Variants in GAB2 observed in about 807,000 individuals in gnomAD.
GAB2 encodes GRB2-associated-binding protein 2.
A neutral mutation model predicts 65.5 loss-of-function variants in GAB2; 26 were observed. The ratio of observed to expected loss-of-function variants is 0.40; its 90% CI spans 0.29 to 0.55. The LOEUF (loss-of-function observed/expected upper bound fraction) is 0.55, where lower values mean the gene tolerates loss of function less well. GAB2 is among the 20% of genes least tolerant of loss of function. GAB2 has a pLI of 0.53. For synonymous variants in GAB2, 321 were observed against 329.6 expected, an observed-to-expected ratio of 0.97 and a Z score of 0.28; for missense variants, 884 against 875.8, an observed-to-expected ratio of 1.01 and a Z score of -0.12.
chr11:78,395,852 A>T (rs752975277), intron 1 of GAB2, among the ~76,000 whole-genome samples: 6 of 152,234 alleles, frequency 3.9e-5, no homozygotes, highest in Non-Finnish European at 8.8e-5. Context: ...ATTCCAATCC[A>T]GGACTAACCT....
chr11:78,265,280 A>G (rs1271119393), intron 2 of GAB2, among the ~76,000 whole-genome samples: 1 of 151,748 alleles, frequency 6.6e-6, no homozygotes, highest in Admixed American at 6.6e-5. Flanking sequence ...ATAACCATCA[A>G]CATCATTTAA....
chr11:78,280,960 C>CT (rs1866318944), intron 1 of GAB2, 59 bp from the exon 2 acceptor site: 3 of 1,439,232 alleles, frequency 2.1e-6, no homozygotes, highest in South Asian at 1.2e-5. Flanking sequence ...TATTTCAAAG[C>CT]TTTTTTCTTT....
intron 3 of GAB2, among the ~76,000 whole-genome samples, chr11:78,244,540 T>A (rs1048767224): frequency 2.0e-5 from 3 of 151,480 alleles, no homozygotes; most frequent in African/African-American, 7.3e-5. Context: ...AAGGTTGATA[T>A]CCAGCATATA....
intron 1 of GAB2, among the ~76,000 whole-genome samples, chr11:78,300,133 G>A (rs1288118444): frequency 6.6e-6 from 1 of 152,122 alleles, no homozygotes; most frequent in Non-Finnish European, 1.5e-5. Flanking sequence ...CTATCCTGGT[G>A]CCAGGCAAAC....
intron 1 of GAB2, among the ~76,000 whole-genome samples, chr11:78,379,422 TAGTA>T (rs1856670272): frequency 6.6e-6 from 1 of 152,190 alleles, no homozygotes; most frequent in Non-Finnish European, 1.5e-5. Context: ...GTTTCCTCCT[TAGTA>T]AGTGTAAATT....
At chr11:78,229,398 G>A (rs1198612331) in intron 3 of GAB2, among the ~76,000 whole-genome samples, 2 of 152,190 alleles carry the variant, frequency 1.3e-5, no homozygotes, top group African/African-American at 4.8e-5. Flanking sequence ...GGAACGGGGA[G>A]CCTCTGAAGG....
chr11:78,324,449 C>T (rs1029837667), intron 1 of GAB2, among the ~76,000 whole-genome samples: 1 of 152,074 alleles, frequency 6.6e-6, no homozygotes, highest in Non-Finnish European at 1.5e-5. Flanking sequence ...ATTTAACATT[C>T]CACTCAGACA....
chr11:78,328,758 T>C (rs1855867057), intron 1 of GAB2, among the ~76,000 whole-genome samples: 1 of 128,818 alleles, frequency 7.8e-6, no homozygotes, highest in African/African-American at 3.0e-5. Flanking sequence ...TCAGAATGAT[T>C]GTTTCTTCTG....
chr11:78,235,068 T>A (rs1864948200), intron 3 of GAB2, among the ~76,000 whole-genome samples: 1 of 152,148 alleles, frequency 6.6e-6, no homozygotes, highest in Non-Finnish European at 1.5e-5. Flanking sequence ...GGAGACATTT[T>A]CCCCATGGTC....
chr11:78,226,863 C>A lies in GAB2; in HGVS notation c.809G>T (p.Arg270Leu). The A allele has an allele frequency of 6.2e-7, 1 of 1,614,004 alleles. No homozygotes were observed. Among genetic ancestry groups the A allele is most frequent in the South Asian group, 1.1e-5 (1 of 91,068 alleles). ...GGTGTGGCCATGGGAGGCCAGGCTG[C>A]GGGGGAGGTCGTAGGTACTGTCTCT... ...EFRDSTYDLP[R>L]SLASHGHTKG... The change falls in exon 4 of 10, where the codon CGC becomes CTC. Residue 270 changes from arginine to leucine, a missense_variant. Coordinates refer to ENST00000361507, the MANE Select transcript of GAB2 (RefSeq NM_080491.3).
At chr11:78,258,979 A>T (rs1865666360) in intron 2 of GAB2, among the ~76,000 whole-genome samples, 1 of 152,014 alleles carries the variant, frequency 6.6e-6, no homozygotes, top group African/African-American at 2.4e-5. Context: ...CCAGGTACTA[A>T]ATCTAGTACC....
rs1002489220 is a variant in GAB2 at position 78,216,037 on chromosome 11, A to C, written c.*3235T>G. The C allele has an allele frequency of 6.6e-6, 1 of 152,646 alleles. No homozygotes were observed. Among genetic ancestry groups the C allele is most frequent in the Admixed American group, 6.5e-5 (1 of 15,280 alleles). 9.5% of individuals were successfully genotyped at this position (152,646 alleles called of 1,614,324 possible). On this transcript the variant is annotated 3_prime_UTR_variant, in exon 10 of 10. Coordinates refer to ENST00000361507, the MANE Select transcript of GAB2 (RefSeq NM_080491.3). The stretch of plus-strand genomic sequence containing the variant: ...AAGTCAAGCTAGGAGGGGACTGGGG[A>C]TAGGTACTGCCCACCCCAATCCCCC...
intron 1 of GAB2, among the ~76,000 whole-genome samples, chr11:78,408,417 A>G (rs1448586831): frequency 6.6e-6 from 1 of 152,232 alleles, no homozygotes; most frequent in African/African-American, 2.4e-5. Flanking sequence ...AAAACACTAT[A>G]TAGATAAATC....
chr11:78,316,420 C>A (rs1855607651), intron 1 of GAB2, among the ~76,000 whole-genome samples: 1 of 152,048 alleles, frequency 6.6e-6, no homozygotes, highest in Non-Finnish European at 1.5e-5. Flanking sequence ...GGGTTAATAA[C>A]TAGAATATAT....
intron 2 of GAB2, among the ~76,000 whole-genome samples, chr11:78,261,506 C>G (rs968922990): frequency 7.2e-5 from 11 of 152,186 alleles, no homozygotes; most frequent in Non-Finnish European, 1.6e-4. Flanking sequence ...GCAAGTCTAT[C>G]TTTAGCCATG....
intron 1 of GAB2, among the ~76,000 whole-genome samples, chr11:78,286,020 C>A (rs893864605): frequency 6.6e-6 from 1 of 152,042 alleles, no homozygotes; most frequent in South Asian, 2.1e-4. Context: ...CCGCTCTCAC[C>A]TCAATTATGT....
chr11:78,219,390 T>C lies in GAB2; in HGVS notation c.1913A>G (p.Asp638Gly), dbSNP rs752327819. The part of the protein sequence containing the change: ...RKPSTSSVTS[D>G]EKVDYVQVDK... The stretch of plus-strand genomic sequence containing the variant: ...CACCTGAACGTAGTCCACCTTCTCA[T>C]CAGAGGTGACGGATGAAGTAGATGG... Residue 638 changes from aspartate to glycine, a missense_variant, in exon 10 of 10, where the codon GAT becomes GGT. By Grantham distance (94) the Asp-to-Gly change is moderately conservative. Transcript: ENST00000361507. 1 of 1,613,658 alleles carries C rather than the reference T, an allele frequency of 6.2e-7. No individual in the cohort carries two copies. Among genetic ancestry groups the C allele is most frequent in the Non-Finnish European group, 8.5e-7 (1 of 1,179,880 alleles).
chr11:78,246,784 C>T (rs1865310344), intron 3 of GAB2, among the ~76,000 whole-genome samples: 1 of 152,196 alleles, frequency 6.6e-6, no homozygotes, highest in Non-Finnish European at 1.5e-5. Flanking sequence ...TAGGCGTGAG[C>T]CACCGCACCC....
intron 1 of GAB2, among the ~76,000 whole-genome samples, chr11:78,317,407 A>G (rs933949252): frequency 2.0e-4 from 30 of 152,052 alleles, no homozygotes; most frequent in African/African-American, 7.0e-4. Flanking sequence ...TAAAAATACA[A>G]AAATTAGCTG....
Sources: allele counts gnomAD v4.1 joint callset (sites outside exome capture counted in the v4.1 genomes callset), GRCh38; gene constraint gnomAD v4.1.1; transcripts MANE v1.5; gene names NCBI Gene and HGNC (gene_info 2026-07-23, HGNC 2026-07-21).